AFAP1: variants seen among roughly 807,000 people sequenced by gnomAD.
AFAP1 encodes the protein actin filament associated protein 1, also known as actin filament-associated protein 1.
AFAP1 carries 75 observed loss-of-function variants against 93.9 expected under a neutral mutation model. The observed-to-expected ratio is 0.80, with a 90% CI of 0.66 to 0.97. The LOEUF (loss-of-function observed/expected upper bound fraction) is 0.97. Ranked by LOEUF, AFAP1 falls within the 50% of genes least tolerant of loss-of-function variation. The pLI, the probability that AFAP1 is intolerant of heterozygous loss-of-function variation, is 0.00. For synonymous variants in AFAP1, 517 were observed against 430.7 expected, an observed-to-expected ratio of 1.20 and a Z score of -2.48; for missense variants, 1,201 against 1,050.8, an observed-to-expected ratio of 1.14 and a Z score of -1.98.
chr4:7,837,739 C>A (rs1384255672), intron 6 of AFAP1, among the ~76,000 whole-genome samples: 5 of 152,118 alleles, frequency 3.3e-5, no homozygotes, highest in African/African-American at 1.2e-4. Flanking sequence ...ATGGTTAGGG[C>A]TGGACACGAT....
chr4:7,857,987 G>T (rs1560203524), intron 3 of AFAP1, among the ~76,000 whole-genome samples: 1 of 151,960 alleles, frequency 6.6e-6, no homozygotes, highest in African/African-American at 2.4e-5. Flanking sequence ...AACCACATAT[G>T]AAAAAAACCA....
intron 1 of AFAP1, among the ~76,000 whole-genome samples, chr4:7,874,658 C>T (rs972700350): frequency 1.4e-5 from 2 of 144,992 alleles, no homozygotes; most frequent in Non-Finnish European, 3.0e-5. Flanking sequence ...GCTGGGATTA[C>T]AGGCATGAGC....
At chr4:7,764,982 C>A (rs1262589752) in intron 17 of AFAP1, among the ~76,000 whole-genome samples, 1 of 152,076 alleles carries the variant, frequency 6.6e-6, no homozygotes, top group African/African-American at 2.4e-5. Context: ...GGCGCACACC[C>A]ATAGTCCCAG....
At chr4:7,767,224 G>A (rs577751457) in intron 17 of AFAP1, among the ~76,000 whole-genome samples, 103 of 152,330 alleles carry the variant, frequency 6.8e-4, no homozygotes, top group Middle Eastern at 3.4e-3. Context: ...CTGGACAGCT[G>A]GCTGTGCATC....
chr4:7,930,483 A>C (rs1394364418), intron 1 of AFAP1, among the ~76,000 whole-genome samples: 1 of 152,132 alleles, frequency 6.6e-6, no homozygotes. Context: ...CTCTTTAATC[A>C]TACCTCGGTC....
At position 7,763,672 on chromosome 4, in the gene AFAP1, G is replaced by C; in HGVS notation, c.*93C>G. ...GGAGCCTCTGGAGTCGTGCAGCTGA[G>C]GCCACTCTGGGCAGAGCTTCCTGCC... On this transcript the variant is annotated 3_prime_UTR_variant, in exon 18 of 18. Transcript: ENST00000420658. 1 of 1,493,548 alleles carries C rather than the reference G, an allele frequency of 6.7e-7. No individual in the cohort carries two copies. The allele number at this position is 1,493,548 out of a possible 1,614,324, so 92.5% of individuals were successfully genotyped here.
intron 1 of AFAP1, among the ~76,000 whole-genome samples, chr4:7,930,239 G>C (rs1720989465): frequency 6.6e-6 from 1 of 152,188 alleles, no homozygotes; most frequent in East Asian, 1.9e-4. Context: ...GGGAGGTCGG[G>C]GCTCCCATGC....
chr4:7,929,208 C>G (rs1489137165), intron 1 of AFAP1, among the ~76,000 whole-genome samples: 1 of 152,218 alleles, frequency 6.6e-6, no homozygotes, highest in Admixed American at 6.5e-5. Context: ...CATAAAAGTA[C>G]AACTGAGTTC....
chr4:7,781,373 T>C lies in AFAP1; in HGVS notation c.1782+3A>G. 1 of 1,551,310 alleles carries C rather than the reference T, an allele frequency of 6.4e-7. No homozygotes were observed. The highest frequency in any genetic ancestry group is 8.7e-7 in the Non-Finnish European group (1 of 1,146,664). On this transcript the variant is annotated splice_donor_region_variant and intron_variant, in intron 13 of 17. Transcript: ENST00000420658. ...TAGAATCTTACAGAAGAAGATGCCGTACCTGCGAGTTGAGCCCGAGAGACG... is the reference window on the plus strand; with the variant it reads ...TAGAATCTTACAGAAGAAGATGCCGCACCTGCGAGTTGAGCCCGAGAGACG...
intron 7 of AFAP1, among the ~76,000 whole-genome samples, chr4:7,817,509 T>C (rs111860188): frequency 0.03 from 4,543 of 152,256 alleles, 102 homozygotes; most frequent in Middle Eastern, 0.075. Context: ...GAGAATGACT[T>C]GAACTCAGGA....
At chr4:7,830,758 G>A (rs1355415085) in intron 6 of AFAP1, among the ~76,000 whole-genome samples, 1 of 152,050 alleles carries the variant, frequency 6.6e-6, no homozygotes, top group Non-Finnish European at 1.5e-5. Flanking sequence ...TATAGGCTAT[G>A]CCACCATGCT....
chr4:7,891,922 T>C (rs1299006502), intron 1 of AFAP1, among the ~76,000 whole-genome samples: 1 of 151,842 alleles, frequency 6.6e-6, no homozygotes, highest in Non-Finnish European at 1.5e-5. Flanking sequence ...GGTGTGGTGG[T>C]AGGCACTTGT....
chr4:7,770,115 A>G (rs1336343404), intron 16 of AFAP1, among the ~76,000 whole-genome samples: 3 of 152,210 alleles, frequency 2.0e-5, no homozygotes, highest in Non-Finnish European at 2.9e-5. Context: ...GGCACCAAGG[A>G]CATCCTCCCT....
chr4:7,853,449 G>T (rs1210639676), intron 4 of AFAP1, among the ~76,000 whole-genome samples: 1 of 152,114 alleles, frequency 6.6e-6, no homozygotes, highest in Non-Finnish European at 1.5e-5. Flanking sequence ...AGCTCACGTG[G>T]GCTGTTGCTG....
intron 1 of AFAP1, among the ~76,000 whole-genome samples, chr4:7,913,123 G>A (rs893441167): frequency 2.0e-5 from 3 of 152,128 alleles, no homozygotes; most frequent in Non-Finnish European, 2.9e-5. Flanking sequence ...GCACAGTGGC[G>A]CATGCCTGTA....
intron 3 of AFAP1, among the ~76,000 whole-genome samples, chr4:7,857,506 G>T (rs1356555438): frequency 3.3e-5 from 5 of 152,116 alleles, no homozygotes; most frequent in Admixed American, 3.3e-4. Context: ...CTATCAGAAG[G>T]CTGGCTTCCC....
intron 10 of AFAP1, among the ~76,000 whole-genome samples, chr4:7,797,279 G>A (rs756686862): frequency 2.0e-5 from 3 of 152,176 alleles, no homozygotes; most frequent in Non-Finnish European, 2.9e-5. Flanking sequence ...ACCAGTGGGT[G>A]AAATTGTGAG....
chr4:7,930,210 C>G (rs1006693823), intron 1 of AFAP1, among the ~76,000 whole-genome samples: 1 of 152,242 alleles, frequency 6.6e-6, no homozygotes, highest in Admixed American at 6.5e-5. Context: ...AAGAGACGCA[C>G]AGGGCACACC....
intron 6 of AFAP1, among the ~76,000 whole-genome samples, chr4:7,822,729 C>A (rs1386095790): frequency 1.3e-5 from 2 of 150,440 alleles, no homozygotes; most frequent in African/African-American, 4.9e-5. Context: ...GGACTATAGG[C>A]GCCCGCCACT....
Sources: allele counts gnomAD v4.1 joint callset (sites outside exome capture counted in the v4.1 genomes callset), GRCh38; gene constraint gnomAD v4.1.1; transcripts MANE v1.5; gene names NCBI Gene and HGNC (gene_info 2026-07-23, HGNC 2026-07-21).